CFAP221: variants seen among roughly 807,000 people sequenced by gnomAD.
The protein encoded by CFAP221 is cilia- and flagella-associated protein 221.
Under a neutral mutation model 113.1 loss-of-function variants are expected in CFAP221, and 97 were observed. The ratio of observed to expected loss-of-function variants is 0.86; its 90% CI spans 0.73 to 1.02. CFAP221 has a LOEUF of 1.02. Ranked by LOEUF, CFAP221 falls within the 50% of genes least tolerant of loss-of-function variation. The probability of loss-of-function intolerance (pLI) is 0.00; values close to 1 mark genes in which losing one functional copy is unlikely to be tolerated. For missense variants in CFAP221, 1,025 were observed against 1,013.4 expected, an observed-to-expected ratio of 1.01 and a Z score of -0.16; for synonymous variants, 331 against 354.4, an observed-to-expected ratio of 0.93 and a Z score of 0.74.
At chr2:119,602,759 G>T in intron 8 of CFAP221, 5 of 985,422 alleles carry the variant, frequency 5.1e-6, no homozygotes, top group Non-Finnish European at 6.0e-6. Context: ...TGGCAAATAA[G>T]CAGGTGAGCA....
chr2:119,646,640 C>A (rs1490844298), intron 21 of CFAP221, among the ~76,000 whole-genome samples: 1 of 152,132 alleles, frequency 6.6e-6, no homozygotes, highest in Non-Finnish European at 1.5e-5. Flanking sequence ...GGGACAGGAC[C>A]AAACCATATC....
intron 21 of CFAP221, among the ~76,000 whole-genome samples, chr2:119,643,255 G>C (rs1197963488): frequency 6.6e-6 from 1 of 152,184 alleles, no homozygotes; most frequent in Non-Finnish European, 1.5e-5. Context: ...CCTGACAACT[G>C]TTTGTTGTTA....
At chr2:119,601,995 C>G (rs978229420) in intron 8 of CFAP221, among the ~76,000 whole-genome samples, 1 of 152,190 alleles carries the variant, frequency 6.6e-6, no homozygotes, top group African/African-American at 2.4e-5. Context: ...TCTGAACTTC[C>G]ATTTCCATTT....
intron 17 of CFAP221, among the ~76,000 whole-genome samples, chr2:119,630,171 A>T (rs987090921): frequency 6.6e-6 from 1 of 152,250 alleles, no homozygotes; most frequent in African/African-American, 2.4e-5. Context: ...GGATATACCT[A>T]TATCATGCAT....
chr2:119,550,331 A>C (rs1473767544), intron 3 of CFAP221, among the ~76,000 whole-genome samples: 2 of 152,212 alleles, frequency 1.3e-5, no homozygotes, highest in African/African-American at 4.8e-5. Context: ...AGGTATCGGG[A>C]AGGAAATTTC....
chr2:119,641,960 A>G (rs1367487620), intron 21 of CFAP221, among the ~76,000 whole-genome samples: 1 of 152,170 alleles, frequency 6.6e-6, no homozygotes, highest in African/African-American at 2.4e-5. Context: ...AATCAAGAAA[A>G]AGCATCCTAT....
chr2:119,567,122 T>C (rs1681703929), intron 6 of CFAP221, among the ~76,000 whole-genome samples: 2 of 152,194 alleles, frequency 1.3e-5, no homozygotes, highest in Non-Finnish European at 2.9e-5. Context: ...TGAACCTACA[T>C]TGACACATCA....
intron 12 of CFAP221, among the ~76,000 whole-genome samples, chr2:119,611,158 G>C (rs1202005121): frequency 6.6e-6 from 1 of 152,104 alleles, no homozygotes; most frequent in African/African-American, 2.4e-5. Context: ...TCGACTCTGA[G>C]GAGCTTAAAA....
chr2:119,633,375 G>T (rs1268438194), intron 19 of CFAP221, among the ~76,000 whole-genome samples: 1 of 151,482 alleles, frequency 6.6e-6, no homozygotes, highest in Non-Finnish European at 1.5e-5. Context: ...ATTGGACTTT[G>T]TCCAAATTAA....
At chr2:119,582,240 A>G (rs1424190459) in intron 6 of CFAP221, among the ~76,000 whole-genome samples, 1 of 152,222 alleles carries the variant, frequency 6.6e-6, no homozygotes, top group East Asian at 1.9e-4. Flanking sequence ...ACCAAAATTA[A>G]TTACATATGT....
intron 21 of CFAP221, among the ~76,000 whole-genome samples, chr2:119,645,997 A>G (rs537119117): frequency 2.6e-5 from 4 of 152,240 alleles, no homozygotes; most frequent in Non-Finnish European, 5.9e-5. Flanking sequence ...AAAAGTGCTC[A>G]TTCCATCCAC....
intron 20 of CFAP221, 42 bp downstream of exon 20, chr2:119,638,459 T>C: frequency 2.5e-6 from 4 of 1,609,660 alleles, no homozygotes; most frequent in Non-Finnish European, 3.4e-6. Flanking sequence ...GACCCTGGGC[T>C]GCAGGGAGGG....
chr2:119,553,459 C>T (rs1043957854), intron 3 of CFAP221, among the ~76,000 whole-genome samples: 1 of 152,108 alleles, frequency 6.6e-6, no homozygotes, highest in Admixed American at 6.5e-5. Flanking sequence ...TATTTTTGAG[C>T]AGGGTTATGA....
chr2:119,657,919 C>T (rs1409739701), downstream of CFAP221, among the ~76,000 whole-genome samples: 4 of 152,254 alleles, frequency 2.6e-5, no homozygotes, highest in East Asian at 7.7e-4. Context: ...CTTGTGATGT[C>T]GATATGTCTT....
chr2:119,606,557 T>C (rs1684780112), intron 11 of CFAP221, among the ~76,000 whole-genome samples: 1 of 152,196 alleles, frequency 6.6e-6, no homozygotes, highest in African/African-American at 2.4e-5. Context: ...CTGAAAATTT[T>C]ATGTTTATAA....
At chr2:119,583,394 T>TC (rs1309898841) in intron 6 of CFAP221, among the ~76,000 whole-genome samples, 1 of 63,064 alleles carries the variant, frequency 1.6e-5, no homozygotes, top group Non-Finnish European at 3.0e-5. Context: ...GGAAATAGTC[T>TC]CTTTTTTTTT....
At chr2:119,550,398 A>G (rs890625912) in intron 3 of CFAP221, among the ~76,000 whole-genome samples, 6 of 152,218 alleles carry the variant, frequency 3.9e-5, no homozygotes, top group African/African-American at 7.2e-5. Flanking sequence ...TCCTTATACA[A>G]TGAAGTGAGT....
At chr2:119,587,831 C>T (rs764388513) in intron 7 of CFAP221, among the ~76,000 whole-genome samples, 29 of 151,972 alleles carry the variant, frequency 1.9e-4, no homozygotes, top group African/African-American at 2.7e-4. Flanking sequence ...GTTTTAAGTC[C>T]GGGTATTCAT....
Position 119,560,888 on chromosome 2 carries a change from G to A in CFAP221, c.426+862G>A, listed in dbSNP as rs1019872686. ...ATATTAGAGATGCATTTCCATAGGG[G>A]GAGGGAAAGAATCTTAGACCCAACA... On this transcript the variant is annotated intron_variant, in intron 5 of 23. Transcript: ENST00000413369. Among the ~76,000 whole-genome samples the A allele has an allele frequency of 5.9e-5, 9 of 151,988 alleles. No individual in the cohort carries two copies. The South Asian group carries it at 1.9e-3, about 32-fold the overall frequency.
Sources: gnomAD v4.1 joint callset for allele counts (sites outside exome capture counted in the v4.1 genomes callset) on GRCh38, gnomAD v4.1.1 for gene constraint, MANE v1.5 for transcripts, NCBI Gene and HGNC (gene_info 2026-07-23, HGNC 2026-07-21) for gene names.